ADGRL2: variants seen among roughly 807,000 people sequenced by gnomAD.
ADGRL2 encodes the protein adhesion G protein-coupled receptor L2.
ADGRL2 carries 44 observed loss-of-function variants against 157.4 expected under a neutral mutation model. That is an observed-to-expected ratio of 0.28 (90% CI 0.22 to 0.36). The LOEUF (loss-of-function observed/expected upper bound fraction) is 0.36. ADGRL2 is among the 10% of genes least tolerant of loss of function. The pLI is 1.00. For missense variants in ADGRL2, 1,510 were observed against 1,768.9 expected (o/e 0.85, Z 2.63); for synonymous variants, 585 against 624.7 (o/e 0.94, Z 0.95).
intron 1 of ADGRL2, among the ~76,000 whole-genome samples, chr1:81,407,480 A>G (rs1258501540): frequency 1.3e-5 from 2 of 152,220 alleles, no homozygotes; most frequent in African/African-American, 4.8e-5. Context: ...ACACATCATT[A>G]TCATTCAGAT....
intron 2 of ADGRL2, among the ~76,000 whole-genome samples, chr1:81,854,202 A>G (rs1329814467): frequency 6.6e-6 from 1 of 152,146 alleles, no homozygotes; most frequent in African/African-American, 2.4e-5. Context: ...TTGGACTCTG[A>G]AAGTTGTCAT....
At chr1:81,855,250 G>A (rs887380259) in intron 2 of ADGRL2, among the ~76,000 whole-genome samples, 3 of 151,990 alleles carry the variant, frequency 2.0e-5, no homozygotes, top group Non-Finnish European at 4.4e-5. Context: ...ATCAGCCTGG[G>A]TAACATAGAT....
At chr1:81,556,374 A>G (rs1409001024) in intron 2 of ADGRL2, among the ~76,000 whole-genome samples, 4 of 128,606 alleles carry the variant, frequency 3.1e-5, no homozygotes, top group Admixed American at 9.4e-5. Context: ...GCTGAAGTGC[A>G]GTGGTGTGAT....
intron 1 of ADGRL2, among the ~76,000 whole-genome samples, chr1:81,729,010 C>T (rs2084633665): frequency 6.6e-6 from 1 of 151,926 alleles, no homozygotes; most frequent in South Asian, 2.1e-4. Flanking sequence ...GGGGTTAGAT[C>T]TGATAAACAT....
intron 11 of ADGRL2, among the ~76,000 whole-genome samples, chr1:81,962,390 A>G (rs1358316008): frequency 6.6e-6 from 1 of 152,124 alleles, no homozygotes; most frequent in Non-Finnish European, 1.5e-5. Context: ...TATACTGGAC[A>G]CTAATCCTGT....
At chr1:81,449,417 C>T (rs2077664463) in intron 2 of ADGRL2, among the ~76,000 whole-genome samples, 1 of 152,176 alleles carries the variant, frequency 6.6e-6, no homozygotes, top group Non-Finnish European at 1.5e-5. Context: ...CCTAAGAAGT[C>T]TTTCACTCTT....
chr1:81,693,334 A>G (rs981059153), intron 3 of ADGRL2, among the ~76,000 whole-genome samples: 2 of 152,190 alleles, frequency 1.3e-5, no homozygotes, highest in African/African-American at 2.4e-5. Context: ...CTCAGAGCCA[A>G]TCTGCAACCT....
intron 3 of ADGRL2, among the ~76,000 whole-genome samples, chr1:81,625,047 T>G (rs1248005195): frequency 6.6e-6 from 1 of 152,172 alleles, no homozygotes; most frequent in Non-Finnish European, 1.5e-5. Flanking sequence ...CACTTTTATC[T>G]ATAATATACA....
At chr1:81,536,167 A>G (rs1295175397) in intron 2 of ADGRL2, among the ~76,000 whole-genome samples, 1 of 152,194 alleles carries the variant, frequency 6.6e-6, no homozygotes, top group Non-Finnish European at 1.5e-5. Flanking sequence ...AGTTTGAATA[A>G]ACATCCAAAC....
At chr1:81,738,527 A>C (rs772393882) in intron 1 of ADGRL2, among the ~76,000 whole-genome samples, 7 of 152,228 alleles carry the variant, frequency 4.6e-5, no homozygotes, top group Non-Finnish European at 8.8e-5. Flanking sequence ...TCATGATATC[A>C]TAGTGTTTAT....
intron 2 of ADGRL2, among the ~76,000 whole-genome samples, chr1:81,564,465 C>T (rs1273978944): frequency 2.6e-5 from 4 of 152,120 alleles, no homozygotes; most frequent in African/African-American, 4.8e-5. Context: ...GTTGGACTAA[C>T]GGTCTCATTT....
intron 2 of ADGRL2, among the ~76,000 whole-genome samples, chr1:81,846,986 TG>T (rs1217833403): frequency 8.1e-6 from 1 of 123,736 alleles, no homozygotes; most frequent in Admixed American, 8.5e-5. Context: ...AGTGTTTTGT[TG>T]TTTTTTTTTT....
At chr1:81,912,097 G>A (rs2094740476) in intron 3 of ADGRL2, among the ~76,000 whole-genome samples, 1 of 150,590 alleles carries the variant, frequency 6.6e-6, no homozygotes, top group Admixed American at 6.6e-5. Context: ...TTTGAGATAG[G>A]GTCTCACTCC....
At chr1:81,675,586 T>G (rs558836091) in intron 3 of ADGRL2, among the ~76,000 whole-genome samples, 44 of 137,170 alleles carry the variant, frequency 3.2e-4, no homozygotes, top group Non-Finnish European at 5.9e-4. Context: ...TTTTTTTTTT[T>G]TCTTATTTTA....
At chr1:81,386,878 T>A (rs1056742265) in intron 1 of ADGRL2, among the ~76,000 whole-genome samples, 3 of 152,156 alleles carry the variant, frequency 2.0e-5, no homozygotes, top group African/African-American at 7.2e-5. Flanking sequence ...TTCAAAAGTA[T>A]TTCTCTCTCC....
At chr1:81,558,419 T>C (rs2080363691) in intron 2 of ADGRL2, among the ~76,000 whole-genome samples, 1 of 152,220 alleles carries the variant, frequency 6.6e-6, no homozygotes, top group South Asian at 2.1e-4. Flanking sequence ...CATTTGAATG[T>C]CAGAATCATA....
chr1:81,475,418 C>CTT (rs1392259197), intron 2 of ADGRL2, among the ~76,000 whole-genome samples: 1 of 152,162 alleles, frequency 6.6e-6, no homozygotes, highest in Non-Finnish European at 1.5e-5. Flanking sequence ...AAGGTATCTA[C>CTT]TAGCCTTTAG....
At chr1:81,543,209 C>T (rs1039707562) in intron 2 of ADGRL2, among the ~76,000 whole-genome samples, 27 of 151,896 alleles carry the variant, frequency 1.8e-4, no homozygotes, top group African/African-American at 6.5e-4. Context: ...TAATTCCCAA[C>T]ATGGTGGTAT....
intron 1 of ADGRL2, among the ~76,000 whole-genome samples, chr1:81,399,262 G>C (rs12136483): frequency 7.2e-5 from 11 of 152,174 alleles, no homozygotes; most frequent in African/African-American, 2.7e-4. Context: ...ACCAGGCTCT[G>C]CCTCCAATTC....
Sources: gnomAD v4.1 joint callset for allele counts (sites outside exome capture counted in the v4.1 genomes callset) on GRCh38, gnomAD v4.1.1 for gene constraint, MANE v1.5 for transcripts, NCBI Gene and HGNC (gene_info 2026-07-23, HGNC 2026-07-21) for gene names.